Variants in NSMCE4A observed in about 807,000 individuals in gnomAD.
NSMCE4A encodes the protein non-structural maintenance of chromosomes element 4 homolog A.
NSMCE4A carries 40 observed loss-of-function variants against 47.9 expected under a neutral mutation model. The observed-to-expected ratio is 0.83, with a 90% confidence interval of 0.65 to 1.09. The LOEUF is 1.09. Among genes scored for constraint, NSMCE4A ranks in the 50% least tolerant of loss-of-function variants. NSMCE4A has a pLI of 0.00. For synonymous variants in NSMCE4A, 166 were observed against 178.5 expected (o/e 0.93, Z 0.56); for missense variants, 500 against 507.0 (o/e 0.99, Z 0.13).
chr10:121,958,990 T>C (rs1234144648), intron 10 of NSMCE4A, among the ~76,000 whole-genome samples: 1 of 152,100 alleles, frequency 6.6e-6, no homozygotes, highest in Non-Finnish European at 1.5e-5. Flanking sequence ...AATTTTTGTA[T>C]TTTTAGTAGA....
intron 5 of NSMCE4A, among the ~76,000 whole-genome samples, 188 bp from the exon 6 acceptor site, chr10:121,963,516 A>G (rs1952541336): frequency 6.6e-6 from 1 of 151,340 alleles, no homozygotes; most frequent in South Asian, 2.1e-4. Context: ...CTGTAACCTC[A>G]GACTCCTGTG....
chr10:121,959,459 G>A, intron 9 of NSMCE4A, 42 bp downstream of exon 9: 1 of 1,608,200 alleles, frequency 6.2e-7, no homozygotes, highest in Non-Finnish European at 8.5e-7. Context: ...TGCAAGTGAA[G>A]GCAGAGTCAG....
chr10:121,961,300 TG>T, intron 7 of NSMCE4A, 122 bp downstream of exon 7: 1 of 542,818 alleles, frequency 1.8e-6, no homozygotes, highest in Non-Finnish European at 3.2e-6. Flanking sequence ...TTTGCTACAA[TG>T]GGTCTGAAAC....
At chr10:121,967,615 C>T (rs1952630673) in intron 4 of NSMCE4A, 40 bp downstream of exon 4, 1 of 1,584,426 alleles carries the variant, frequency 6.3e-7, no homozygotes, top group Non-Finnish European at 8.6e-7. Flanking sequence ...ATTTAAGGTT[C>T]ACAAATAACT....
chr10:121,963,358 CCTA>C, intron 5 of NSMCE4A, 30 bp from the exon 6 acceptor site: 1 of 1,295,112 alleles, frequency 7.7e-7, no homozygotes, highest in Non-Finnish European at 1.1e-6. Flanking sequence ...AGCTGACAGA[CCTA>C]CTTACTGGCC....
At chr10:121,969,453 T>A (rs922625388) in intron 3 of NSMCE4A, among the ~76,000 whole-genome samples, 1 of 149,860 alleles carries the variant, frequency 6.7e-6, no homozygotes, top group Non-Finnish European at 1.5e-5. Context: ...GACCTCTATA[T>A]TACAGTGCAC....
At chr10:121,961,303 G>T in intron 7 of NSMCE4A, 120 bp downstream of exon 7, 2 of 580,264 alleles carry the variant, frequency 3.4e-6, no homozygotes, top group Non-Finnish European at 5.9e-6. Context: ...GCTACAATGG[G>T]TCTGAAACAT....
chr10:121,972,792 G>A (rs1019004225), intron 2 of NSMCE4A, among the ~76,000 whole-genome samples: 11 of 152,178 alleles, frequency 7.2e-5, no homozygotes, highest in Admixed American at 1.3e-4. Context: ...GTTTTGATGA[G>A]AGTTAGCAAA....
In NSMCE4A at chr10:121,961,460, G is replaced by C. The variant is rs764428790; in HGVS notation, c.902C>G (p.Thr301Arg). 6.3e-7 allele frequency: 1 copy of C among 1,579,424 alleles called. No individual in the cohort carries two copies. The stretch of plus-strand genomic sequence containing the variant: ...GGAAACATGAAAGATGTTTTCCACT[G>C]TACGGGGGAAAGAATGAGGATCAAC... Reference protein sequence around the residue: ...FVVDPHSFPRTVENIFHVSFI... With the variant: ...FVVDPHSFPRRVENIFHVSFI... The change falls in exon 7 of 11, where the codon ACA becomes AGA. Residue 301 changes from threonine to arginine, a missense_variant. Transcript: ENST00000369023.
intron 2 of NSMCE4A, among the ~76,000 whole-genome samples, chr10:121,973,564 C>T (rs756593435): frequency 3.3e-5 from 5 of 152,198 alleles, no homozygotes; most frequent in Admixed American, 6.5e-5. Context: ...GGCTTTGCCA[C>T]CTCCATTGTG....
chr10:121,959,661 G>A, intron 8 of NSMCE4A, 66 bp from the exon 9 acceptor site: 1 of 1,016,852 alleles, frequency 9.8e-7, no homozygotes, highest in Non-Finnish European at 1.6e-6. Flanking sequence ...AATCTAAACG[G>A]AAACTGATGA....
rs748708062 is a variant in NSMCE4A, at chr10:121,959,332, AGCATCAAGC to A, written c.1153_*3del. 1 of 1,613,810 alleles carries A rather than the reference AGCATCAAGC, an allele frequency of 6.2e-7. No homozygotes were observed. The highest frequency in any genetic ancestry group is 1.3e-5 in the African/African-American group (1 of 75,054). ...CCCATTGAAAAGGTTACCTTCAGCT[AGCATCAAGC>A]ACTTGGCTTCTGCTGCCTCTGACTT... On this transcript the variant is annotated stop_lost and 3_prime_UTR_variant, in exon 10 of 11. Coordinates refer to ENST00000369023, the MANE Select transcript of NSMCE4A (RefSeq NM_017615.3).
Position 121,961,545 on chromosome 10 carries a change from G to C in NSMCE4A, c.845-28C>G, listed in dbSNP as rs936812450. 1.9e-5 allele frequency: 28 copies of C among 1,438,520 alleles called. 1 individual carries two copies. Among genetic ancestry groups the C allele is most frequent in the East Asian group, 1.7e-4 (7 of 40,290 alleles). The allele number at this position is 1,438,520 out of a possible 1,614,324, so 89.1% of individuals were successfully genotyped here. ...ATAGACAAAAAGAGAAAAAAAAATT[G>C]ATTTTTGCTTGTCATTAATATCAGT... is the stretch of plus-strand genomic sequence containing the variant. On this transcript the variant is annotated intron_variant, in intron 6 of 10. Coordinates refer to ENST00000369023, the MANE Select transcript of NSMCE4A (RefSeq NM_017615.3).
At chr10:121,970,011 C>T (rs1180853310) in intron 3 of NSMCE4A, among the ~76,000 whole-genome samples, 1 of 152,174 alleles carries the variant, frequency 6.6e-6, no homozygotes, top group South Asian at 2.1e-4. Flanking sequence ...CCACTGCCCC[C>T]AGCCAGAATA....
rs1445562942 is a variant in NSMCE4A at position 121,961,471 on chromosome 10, A to G, written c.891T>C (p.Ser297=). The G allele has an allele frequency of 1.3e-6, 2 of 1,574,878 alleles. No individual in the cohort carries two copies. The highest frequency in any genetic ancestry group is 2.4e-5 in the South Asian group (2 of 83,836). Residue 297 remains serine (S), a synonymous_variant, in exon 7 of 11, where the codon TCT becomes TCC. Transcript: ENST00000369023. ...AGATGTTTTCCACTGTACGGGGGAA[A>G]GAATGAGGATCAACCACAAAGTCAA... ...SFFDFVVDPH[S]FPRTVENIFH... is the part of the protein sequence containing the mutation.
intron 2 of NSMCE4A, 95 bp from the exon 3 acceptor site, chr10:121,971,164 C>T (rs1378228031): frequency 5.3e-6 from 5 of 945,844 alleles, no homozygotes; most frequent in African/African-American, 2.7e-5. Context: ...GGATTTCCCA[C>T]TGGACTAAAA....
Position 121,974,003 on chromosome 10 carries a change from C to A in NSMCE4A, c.370+1G>T, listed in dbSNP as rs752956160. On this transcript the variant is annotated splice_donor_variant, in intron 2 of 10. Coordinates refer to ENST00000369023, the MANE Select transcript of NSMCE4A (RefSeq NM_017615.3). LOFTEE classifies it high-confidence loss of function. ...AAATAACATATAAAATAACAAATTACCTTCATTAAACAGAGTGTTAGCCTC... is the reference window on the plus strand; with the variant it reads ...AAATAACATATAAAATAACAAATTAACTTCATTAAACAGAGTGTTAGCCTC... The A allele has an allele frequency of 2.9e-5, 46 of 1,579,362 alleles. No homozygotes were observed. The highest frequency in any genetic ancestry group is 3.5e-5 in the Non-Finnish European group (41 of 1,155,506).
intron 1 of NSMCE4A, chr10:121,974,605 C>A: frequency 9.5e-7 from 1 of 1,052,580 alleles, no homozygotes. Context: ...GCTGGCTGGG[C>A]TCGGGCGAGT....
At chr10:121,973,214 C>T (rs551572966) in intron 2 of NSMCE4A, among the ~76,000 whole-genome samples, 22 of 138,026 alleles carry the variant, frequency 1.6e-4, no homozygotes, top group East Asian at 8.1e-4. Flanking sequence ...CCAGCCTGGG[C>T]AACAGAGACT....
Sources: allele counts gnomAD v4.1 joint callset (sites outside exome capture counted in the v4.1 genomes callset), GRCh38; gene constraint gnomAD v4.1.1; transcripts MANE v1.5; gene names NCBI Gene and HGNC (gene_info 2026-07-23, HGNC 2026-07-21).